The following ACACA variants were observed in gnomAD, a reference collection of about 807,000 sequenced individuals.
ACACA encodes acetyl-CoA carboxylase 1.
Under a neutral mutation model 296.1 loss-of-function variants are expected in ACACA, and 103 were observed. The observed-to-expected ratio is 0.35, with a 90% CI of 0.30 to 0.41. ACACA has a LOEUF of 0.41. ACACA is among the 10% of genes least tolerant of loss of function. ACACA has a pLI of 1.00. For synonymous variants in ACACA, 953 were observed against 1,038.6 expected (o/e 0.92, Z 1.58); for missense variants, 1,554 against 2,989.7 (o/e 0.52, Z 11.20).
intron 1 of ACACA, among the ~76,000 whole-genome samples, chr17:37,390,330 A>ATATATATATATATATATATCTATATC (rs1386032855): frequency 7.2e-5 from 3 of 41,576 alleles, no homozygotes; most frequent in African/African-American, 1.3e-4. Flanking sequence ...ATATATATAT[A>ATATATATATATATATATATCTATATC]TATAAAAGGC....
intron 1 of ACACA, among the ~76,000 whole-genome samples, chr17:37,356,403 G>A (rs984848086): frequency 6.6e-6 from 1 of 151,790 alleles, no homozygotes; most frequent in African/African-American, 2.4e-5. Context: ...TTTTGAGACG[G>A]AGTCTCACTC....
rs1158444610 is a variant in ACACA, at chr17:37,259,437, A to G, written c.1423T>C (p.Leu475=). 11 of 1,614,072 alleles carry G rather than the reference A, an allele frequency of 6.8e-6. No homozygotes were observed. The highest frequency in any genetic ancestry group is 5.3e-5 in the African/African-American group (4 of 74,924). The stretch of plus-strand genomic sequence containing the variant: ...TGCTCTACCTGCAGCCGAGGATTCA[A>G]TTCCAGAAAGTAGAAGCTGCCATCC... ...SQDGSFYFLE[L]NPRLQVEHPC... The change falls in exon 12 of 56, where the codon TTG becomes CTG. Residue 475 remains leucine (L), a synonymous_variant. Coordinates refer to ENST00000616317, the MANE Select transcript of ACACA (RefSeq NM_198834.3).
chr17:37,203,134 G>T (rs865914441), intron 33 of ACACA, among the ~76,000 whole-genome samples: 90 of 151,810 alleles, frequency 5.9e-4, no homozygotes, highest in African/African-American at 2.1e-3. Flanking sequence ...GCTAATTTTT[G>T]TATTTTCAGT....
chr17:37,244,630 T>A lies in ACACA; in HGVS notation c.2700A>T (p.Val900=), dbSNP rs769804979. 3.5e-5 allele frequency: 56 copies of A among 1,614,082 alleles called. No homozygotes were observed. The South Asian group carries it at 6.1e-4, about 18-fold the overall frequency. Residue 900 remains valine (V), a synonymous_variant, in exon 21 of 56, where the codon GTA becomes GTT. Transcript: ENST00000616317. ...FHYVLDNLVN[V]MNGYCLPDPF... Reference sequence around the variant, plus strand: ...GATCTGGAAGGCAGTATCCATTCATTACATTGACCAGATTATCCAGGACAT... The same window carrying A: ...GATCTGGAAGGCAGTATCCATTCATAACATTGACCAGATTATCCAGGACAT...
In ACACA at chr17:37,284,935, C is replaced by T. The variant is rs758769394; in HGVS notation, c.374G>A (p.Gly125Asp). 21 of 1,614,126 alleles carry T rather than the reference C, an allele frequency of 1.3e-5. No individual in the cohort carries two copies. The highest frequency in any genetic ancestry group is 1.8e-5 in the Non-Finnish European group (21 of 1,180,008). The change falls in exon 4 of 56, where the codon GGC (glycine) becomes GAC (aspartate). Residue 125 changes from glycine (G) to aspartate (D), a missense_variant. Around this residue, in one of 16 missense-constraint regions of ACACA, gnomAD observed 140 missense variants for 147.7 expected, o/e 0.95. Coordinates refer to ENST00000616317, the MANE Select transcript of ACACA (RefSeq NM_198834.3). ...SMSGLHLVKQ[G>D]RDRKKIDSQR... ...AGAATCTATTTTCTTTCTGTCTCGG[C>T]CCTGCTTTACTAGGTGCAAGCCAGA...
intron 18 of ACACA, among the ~76,000 whole-genome samples, chr17:37,247,227 A>T (rs2080753050): frequency 6.6e-6 from 1 of 152,200 alleles, no homozygotes; most frequent in African/African-American, 2.4e-5. Context: ...ACCACCATTT[A>T]AAAAAACACA....
intron 51 of ACACA, among the ~76,000 whole-genome samples, chr17:37,112,269 TA>T (rs935848766): frequency 4.6e-5 from 7 of 151,590 alleles, no homozygotes; most frequent in African/African-American, 1.2e-4. Context: ...CAAACATGTT[TA>T]AAAAAAAACC....
intron 39 of ACACA, among the ~76,000 whole-genome samples, chr17:37,183,443 A>G (rs1303082623): frequency 6.6e-6 from 1 of 152,224 alleles, no homozygotes; most frequent in Admixed American, 6.5e-5. Context: ...TTGTAAATGA[A>G]TGTTCACAGC....
chr17:37,396,061 C>T (rs866149521), intron 1 of ACACA, among the ~76,000 whole-genome samples: 3 of 152,076 alleles, frequency 2.0e-5, no homozygotes, highest in Non-Finnish European at 4.4e-5. Context: ...ATACAACAGC[C>T]AGGCATGGTA....
intron 24 of ACACA, among the ~76,000 whole-genome samples, chr17:37,235,417 G>A (rs1377854860): frequency 6.6e-6 from 1 of 152,012 alleles, no homozygotes; most frequent in Non-Finnish European, 1.5e-5. Context: ...GGAGGTGGGT[G>A]TACCTTAAAG....
intron 37 of ACACA, 58 bp from the exon 38 acceptor site, chr17:37,191,333 G>C: frequency 1.3e-6 from 2 of 1,513,776 alleles, no homozygotes; most frequent in Non-Finnish European, 1.8e-6. Context: ...ATAAAGAAAT[G>C]GCTATTATAA....
At chr17:37,317,658 T>A (rs2047159480) in intron 3 of ACACA, among the ~76,000 whole-genome samples, 1 of 152,198 alleles carries the variant, frequency 6.6e-6, no homozygotes, top group Admixed American at 6.5e-5. Flanking sequence ...CAAACTTCAT[T>A]TGTAAATTTA....
chr17:37,127,763 G>C (rs908785887), intron 47 of ACACA, among the ~76,000 whole-genome samples: 2 of 149,978 alleles, frequency 1.3e-5, no homozygotes, highest in African/African-American at 2.5e-5. Flanking sequence ...AGAACCACTT[G>C]AACCTGGGAG....
intron 1 of ACACA, chr17:37,359,196 G>A (rs2049293639): frequency 1.1e-6 from 1 of 935,834 alleles, no homozygotes; most frequent in Non-Finnish European, 1.3e-6. Context: ...CTCAGCCGGC[G>A]AGCTCCATGA....
chr17:37,098,030 ATC>A (rs1205893090), intron 52 of ACACA, 46 bp from the exon 53 acceptor site: 4 of 1,613,000 alleles, frequency 2.5e-6, no homozygotes, highest in East Asian at 2.2e-5. Flanking sequence ...ATGACCAGGA[ATC>A]TCTCTGCACA....
intron 33 of ACACA, 55 bp downstream of exon 33, chr17:37,205,710 A>C: frequency 7.6e-7 from 1 of 1,314,090 alleles, no homozygotes; most frequent in Non-Finnish European, 1.1e-6. Context: ...GATAGCTATG[A>C]TACACAGCCA....
intron 2 of ACACA, among the ~76,000 whole-genome samples, chr17:37,336,986 G>A (rs1334115137): frequency 6.6e-6 from 1 of 152,136 alleles, no homozygotes; most frequent in African/African-American, 2.4e-5. Context: ...GAGTAGTGTG[G>A]TTCTCAAAGT....
chr17:37,192,093 G>A lies in ACACA; in HGVS notation c.4413C>T (p.Thr1471=). 1 of 1,613,864 alleles carries A rather than the reference G, an allele frequency of 6.2e-7. No individual in the cohort carries two copies. Among genetic ancestry groups the A allele is most frequent in the African/African-American group, 1.3e-5 (1 of 74,930 alleles). ...CCCATTAAAGTACAGCACCCACCTT[G>A]GTGACCAGATCAGAATGCCTGATGA... ...RAIIRHSDLV[T]KEASFEYLQN... The change falls in exon 37 of 56, where the codon ACC becomes ACT. Residue 1471 remains threonine (T), a synonymous_variant. Transcript: ENST00000616317.
chr17:37,200,124 G>C lies in ACACA; in HGVS notation c.4158+15C>G, dbSNP rs1323975716. The C allele has an allele frequency of 1.9e-6, 3 of 1,568,748 alleles. No homozygotes were observed. The African/African-American group carries it at 4.1e-5, about 21-fold the overall frequency. ...AAACAGTAAGTAATCTTTCATTATT[G>C]TTCATTTTACTTACATGAAATCTCC... On this transcript the variant is annotated intron_variant, in intron 35 of 55. Coordinates refer to ENST00000616317, the MANE Select transcript of ACACA (RefSeq NM_198834.3).
Sources: gnomAD v4.1 joint callset for allele counts (sites outside exome capture counted in the v4.1 genomes callset) on GRCh38, gnomAD v4.1.1 for gene constraint, gnomAD v4.1.1 regional missense constraint, MANE v1.5 for transcripts, NCBI Gene and HGNC (gene_info 2026-07-23, HGNC 2026-07-21) for gene names.